The following XKR9 variants were observed in gnomAD, a reference collection of about 807,000 sequenced individuals.
XKR9 encodes XK related 9.
XKR9 carries 32 observed loss-of-function variants against 32.0 expected under a neutral mutation model. The observed-to-expected ratio is 1.00, with a 90% CI of 0.76 to 1.34. XKR9 has a LOEUF of 1.34. Ranked by LOEUF, XKR9 falls within the 40% of genes most tolerant of loss-of-function variation. The probability of loss-of-function intolerance (pLI) is 0.00; values close to 1 mark genes in which losing one functional copy is unlikely to be tolerated. For missense variants in XKR9, 546 were observed against 429.7 expected, an observed-to-expected ratio of 1.27 and a Z score of -2.39; for synonymous variants, 168 against 143.4, an observed-to-expected ratio of 1.17 and a Z score of -1.22.
intron 2 of XKR9, among the ~76,000 whole-genome samples, chr8:70,675,462 C>T (rs1818853741): frequency 6.6e-6 from 1 of 152,172 alleles, no homozygotes; most frequent in Non-Finnish European, 1.5e-5. Context: ...TTTTCTTTCT[C>T]TCTCACCTGG....
chr8:70,686,551 C>T (rs1586813685), intron 3 of XKR9, among the ~76,000 whole-genome samples: 1 of 152,146 alleles, frequency 6.6e-6, no homozygotes, highest in African/African-American at 2.4e-5. Flanking sequence ...TCAAGCAATT[C>T]TCCTTCCTTA....
At chr8:71,024,454 T>C in the XKR9 span, among the ~76,000 whole-genome samples, 1 of 152,176 alleles carries the variant, frequency 6.6e-6, no homozygotes, top group African/African-American at 2.4e-5. Context: ...TTCAAGGATA[T>C]GGAGATGCAG....
At chr8:70,744,439 C>T (rs902719402) in intron 2 of XKR9, among the ~76,000 whole-genome samples, 2 of 152,136 alleles carry the variant, frequency 1.3e-5, no homozygotes, top group African/African-American at 2.4e-5. Context: ...ATCATCACTA[C>T]CCTTTAACTG....
the XKR9 span, among the ~76,000 whole-genome samples, chr8:70,987,160 C>T: frequency 1.9e-4 from 29 of 152,112 alleles, no homozygotes; most frequent in Non-Finnish European, 3.2e-4. Flanking sequence ...CACAGCCAAA[C>T]CATATCATTC....
At chr8:70,744,330 G>T (rs967777264) in intron 2 of XKR9, among the ~76,000 whole-genome samples, 2 of 151,788 alleles carry the variant, frequency 1.3e-5, no homozygotes, top group Non-Finnish European at 1.5e-5. Flanking sequence ...AAATCTTTCT[G>T]TAATATTTAC....
At chr8:70,864,070 G>T in the XKR9 span, among the ~76,000 whole-genome samples, 2 of 152,266 alleles carry the variant, frequency 1.3e-5, no homozygotes, top group East Asian at 3.9e-4. Context: ...TTTTAATGCA[G>T]AAATTGAAGA....
At chr8:70,675,372 T>G (rs546524690) in intron 2 of XKR9, among the ~76,000 whole-genome samples, 1 of 152,324 alleles carries the variant, frequency 6.6e-6, no homozygotes, top group Non-Finnish European at 1.5e-5. Context: ...ATATTAGCAC[T>G]TGGCTCCCTT....
intron 2 of XKR9, among the ~76,000 whole-genome samples, chr8:70,752,137 G>C (rs1807151004): frequency 6.6e-6 from 1 of 152,252 alleles, no homozygotes; most frequent in South Asian, 2.1e-4. Flanking sequence ...CTGGTCCTAA[G>C]CAACCACAAT....
the XKR9 span, among the ~76,000 whole-genome samples, chr8:70,813,116 C>T: frequency 6.6e-5 from 10 of 152,106 alleles, no homozygotes; most frequent in African/African-American, 2.4e-4. Flanking sequence ...TGGAACAGAA[C>T]AGAGCCCTCA....
At chr8:70,893,916 A>G in the XKR9 span, among the ~76,000 whole-genome samples, 1 of 152,054 alleles carries the variant, frequency 6.6e-6, no homozygotes, top group South Asian at 2.1e-4. Context: ...TTGGGGTGCA[A>G]GTTCACTCTC....
chr8:70,748,195 C>A (rs1235246071), intron 2 of XKR9, among the ~76,000 whole-genome samples: 1 of 152,216 alleles, frequency 6.6e-6, no homozygotes, highest in Non-Finnish European at 1.5e-5. Flanking sequence ...CTGGGGCTGC[C>A]CTGTTCTGCA....
At chr8:70,882,028 C>A in the XKR9 span, among the ~76,000 whole-genome samples, 2 of 152,218 alleles carry the variant, frequency 1.3e-5, no homozygotes, top group East Asian at 3.9e-4. Context: ...AAACCAAACA[C>A]CACATGTTCT....
chr8:70,949,691 G>A, the XKR9 span, among the ~76,000 whole-genome samples: 12 of 152,040 alleles, frequency 7.9e-5, no homozygotes, highest in African/African-American at 1.9e-4. Context: ...CAGTAGCTTC[G>A]GAGGGGATGA....
chr8:70,793,923 A>G (rs987369754), downstream of XKR9, among the ~76,000 whole-genome samples: 2 of 152,102 alleles, frequency 1.3e-5, no homozygotes, highest in African/African-American at 2.4e-5. Flanking sequence ...AGTGCATTGA[A>G]TCACTAAGTC....
chr8:70,930,272 G>C, the XKR9 span, among the ~76,000 whole-genome samples: 1 of 152,138 alleles, frequency 6.6e-6, no homozygotes, highest in South Asian at 2.1e-4. Flanking sequence ...ATATGTAGCT[G>C]AGATGGGCTC....
chr8:71,008,090 A>G, the XKR9 span, among the ~76,000 whole-genome samples: 2 of 152,240 alleles, frequency 1.3e-5, no homozygotes, highest in Non-Finnish European at 2.9e-5. Flanking sequence ...ACAAACATTT[A>G]AGAAAATGAA....
At chr8:70,848,953 G>C in the XKR9 span, among the ~76,000 whole-genome samples, 1 of 152,106 alleles carries the variant, frequency 6.6e-6, no homozygotes, top group African/African-American at 2.4e-5. Flanking sequence ...CATAAAGCAA[G>C]TTCTTAGAGA....
At chr8:71,023,076 A>G in the XKR9 span, among the ~76,000 whole-genome samples, 1 of 151,676 alleles carries the variant, frequency 6.6e-6, no homozygotes, top group African/African-American at 2.4e-5. Flanking sequence ...ATTATTTTGA[A>G]TTCTTAAATT....
At chr8:70,730,400 C>T (rs1806624841) in intron 4 of XKR9, among the ~76,000 whole-genome samples, 1 of 151,982 alleles carries the variant, frequency 6.6e-6, no homozygotes, top group African/African-American at 2.4e-5. Context: ...CCATAGAGCT[C>T]TTTTTTTCTA....
Sources: gnomAD v4.1 joint callset for allele counts (sites outside exome capture counted in the v4.1 genomes callset) on GRCh38, gnomAD v4.1.1 for gene constraint, MANE v1.5 for transcripts, NCBI Gene and HGNC (gene_info 2026-07-23, HGNC 2026-07-21) for gene names.